Variants in PLEKHA5 observed in about 807,000 individuals in gnomAD.
PLEKHA5 encodes the protein pleckstrin homology domain-containing family A member 5.
A neutral mutation model predicts 181.9 loss-of-function variants in PLEKHA5; 55 were observed. The ratio of observed to expected loss-of-function variants is 0.30; its 90% CI spans 0.24 to 0.38. The LOEUF (loss-of-function observed/expected upper bound fraction) is 0.38, where lower values mean the gene tolerates loss of function less well. Among genes scored for constraint, PLEKHA5 ranks in the 10% least tolerant of loss-of-function variants. The pLI, the probability that PLEKHA5 is intolerant of heterozygous loss-of-function variation, is 1.00. For missense variants in PLEKHA5, 1,432 were observed against 1,549.5 expected (o/e 0.92, Z 1.27); for synonymous variants, 535 against 529.4 (o/e 1.01, Z -0.15).
intron 3 of PLEKHA5, 145 bp downstream of exon 3, chr12:19,132,595 T>C (rs182860959): frequency 5.6e-4 from 306 of 551,310 alleles, no homozygotes; most frequent in Middle Eastern, 9.0e-4. Flanking sequence ...TTGTATAGTG[T>C]CAGAATTTTG....
chr12:19,294,019 GC>G (rs2079134192), intron 15 of PLEKHA5, among the ~76,000 whole-genome samples: 1 of 152,116 alleles, frequency 6.6e-6, no homozygotes, highest in Admixed American at 6.6e-5. Flanking sequence ...CTGAAGTAAA[GC>G]TATTCAATTT....
chr12:19,366,504 A>C (rs1447505715), intron 30 of PLEKHA5, among the ~76,000 whole-genome samples: 1 of 152,048 alleles, frequency 6.6e-6, no homozygotes, highest in African/African-American at 2.4e-5. Flanking sequence ...AATACAAAAA[A>C]TTAGCCGGGC....
intron 3 of PLEKHA5, among the ~76,000 whole-genome samples, chr12:19,196,170 A>G (rs997807896): frequency 2.0e-5 from 3 of 152,174 alleles, no homozygotes; most frequent in Admixed American, 6.5e-5. Context: ...TTTTTGAAAA[A>G]TCTATCATCT....
intron 2 of PLEKHA5, 37 bp from the exon 3 acceptor site, chr12:19,132,356 T>C: frequency 1.0e-6 from 1 of 978,138 alleles, no homozygotes; most frequent in Non-Finnish European, 1.6e-6. Flanking sequence ...TTGCTATCAT[T>C]GAAGTAATAC....
At chr12:19,338,019 G>A (rs1288163189) in intron 21 of PLEKHA5, among the ~76,000 whole-genome samples, 1 of 144,168 alleles carries the variant, frequency 6.9e-6, no homozygotes, top group Non-Finnish European at 1.5e-5. Flanking sequence ...CAACAAGGGC[G>A]AAGCTCCATC....
chr12:19,192,714 TAAAAA>T (rs1176896471), intron 3 of PLEKHA5, among the ~76,000 whole-genome samples: 2 of 151,890 alleles, frequency 1.3e-5, no homozygotes, highest in Non-Finnish European at 1.5e-5. Context: ...TCTCAAAAAA[TAAAAA>T]AGAAAAGAAT....
chr12:19,349,399 T>A (rs1164764694), intron 25 of PLEKHA5, among the ~76,000 whole-genome samples: 1 of 152,160 alleles, frequency 6.6e-6, no homozygotes, highest in African/African-American at 2.4e-5. Context: ...TACAAGCATG[T>A]GCCACCACAC....
At chr12:19,296,060 C>T (rs2079688747) in intron 15 of PLEKHA5, among the ~76,000 whole-genome samples, 1 of 151,508 alleles carries the variant, frequency 6.6e-6, no homozygotes, top group African/African-American at 2.4e-5. Context: ...ATAGTGAAAC[C>T]TCGTCTCTAC....
At chr12:19,360,567 C>T (rs2095188432) in intron 28 of PLEKHA5, among the ~76,000 whole-genome samples, 1 of 150,962 alleles carries the variant, frequency 6.6e-6, no homozygotes, top group South Asian at 2.1e-4. Flanking sequence ...TCGCGCCACA[C>T]TACCCTGCAG....
chr12:19,195,113 A>T, intron 3 of PLEKHA5, among the ~76,000 whole-genome samples: 1 of 152,114 alleles, frequency 6.6e-6, no homozygotes, highest in East Asian at 1.9e-4. Context: ...TCAGTAAACG[A>T]AACCTCTGAA....
intron 3 of PLEKHA5, among the ~76,000 whole-genome samples, chr12:19,226,057 T>A (rs926447386): frequency 7.2e-5 from 11 of 152,204 alleles, no homozygotes; most frequent in Non-Finnish European, 1.6e-4. Flanking sequence ...TTTTAAAATG[T>A]ACAGTACATT....
intron 3 of PLEKHA5, among the ~76,000 whole-genome samples, chr12:19,184,221 CCTGA>C (rs1461603898): frequency 6.6e-6 from 1 of 151,864 alleles, no homozygotes; most frequent in Non-Finnish European, 1.5e-5. Flanking sequence ...CATTCTATTC[CCTGA>C]CTTTTTGCTG....
At chr12:19,250,379 G>C (rs886998958) in intron 3 of PLEKHA5, among the ~76,000 whole-genome samples, 1 of 152,186 alleles carries the variant, frequency 6.6e-6, no homozygotes, top group Non-Finnish European at 1.5e-5. Flanking sequence ...GAGGACAGGA[G>C]TTTGAGACCA....
chr12:19,240,785 T>TA (rs753643948), intron 3 of PLEKHA5, among the ~76,000 whole-genome samples: 2 of 152,204 alleles, frequency 1.3e-5, no homozygotes, highest in South Asian at 2.1e-4. Flanking sequence ...TTATTGCTTT[T>TA]AAATGACGAG....
intron 21 of PLEKHA5, among the ~76,000 whole-genome samples, chr12:19,336,983 CT>C (rs1227139242): frequency 4.8e-3 from 537 of 112,650 alleles, no homozygotes; most frequent in Middle Eastern, 0.017. Flanking sequence ...TATCTTTTAT[CT>C]TTTTTTTTTT....
chr12:19,277,641 A>C (rs1003520860), intron 11 of PLEKHA5, among the ~76,000 whole-genome samples: 3 of 152,216 alleles, frequency 2.0e-5, no homozygotes, highest in Non-Finnish European at 4.4e-5. Context: ...ATTATGATAT[A>C]AACTTCATCA....
chr12:19,341,123 AAGAG>A lies in PLEKHA5; in HGVS notation c.2551-2195_2551-2192del, dbSNP rs1432235674. Among the ~76,000 whole-genome samples, 4 of 152,020 alleles carry A rather than the reference AAGAG, an allele frequency of 2.6e-5. No homozygotes were observed. In the East Asian group the frequency reaches 5.8e-4, roughly 22 times the overall value. ...CCTCATCTCTACTAAAATACAAAAA[AAGAG>A]AGAGCTGGGCATGGTGTCACACACC... On this transcript the variant is annotated intron_variant, in intron 21 of 31. Transcript: ENST00000429027.
At chr12:19,334,344 A>T (rs1220230750) in intron 20 of PLEKHA5, among the ~76,000 whole-genome samples, 1 of 152,210 alleles carries the variant, frequency 6.6e-6, no homozygotes, top group African/African-American at 2.4e-5. Context: ...GTGCCTCTTC[A>T]CTTCTAAAAT....
chr12:19,151,752 G>A (rs2040435366), intron 3 of PLEKHA5: 1 of 151,564 alleles, frequency 6.6e-6, no homozygotes, highest in African/African-American at 2.4e-5. Flanking sequence ...TTTAATTTAA[G>A]TAATACTGTT....
Sources: gnomAD v4.1 joint callset for allele counts (sites outside exome capture counted in the v4.1 genomes callset) on GRCh38, gnomAD v4.1.1 for gene constraint, MANE v1.5 for transcripts, NCBI Gene and HGNC (gene_info 2026-07-23, HGNC 2026-07-21) for gene names.